SPATA13: variants seen among roughly 807,000 people sequenced by gnomAD.
SPATA13 encodes spermatogenesis associated 13.
In SPATA13, 50 loss-of-function variants were observed where a neutral mutation model predicts 104.0. That is an observed-to-expected ratio of 0.48 (90% CI 0.38 to 0.61). SPATA13 has a LOEUF of 0.61. Among genes scored for constraint, SPATA13 ranks in the 20% least tolerant of loss-of-function variants. SPATA13 has a pLI of 0.00. For synonymous variants in SPATA13, 606 were observed against 667.5 expected, an observed-to-expected ratio of 0.91 and a Z score of 1.42; for missense variants, 1,524 against 1,690.6, an observed-to-expected ratio of 0.90 and a Z score of 1.73.
chr13:24,098,521 T>C (rs1880150608), intron 3 of SPATA13, among the ~76,000 whole-genome samples: 2 of 150,810 alleles, frequency 1.3e-5, no homozygotes, highest in Admixed American at 6.6e-5. Flanking sequence ...CACCTGAGCC[T>C]GGACGTTTGA....
intron 3 of SPATA13, among the ~76,000 whole-genome samples, chr13:24,085,003 C>T (rs1879671586): frequency 6.6e-6 from 1 of 152,112 alleles, no homozygotes; most frequent in Non-Finnish European, 1.5e-5. Context: ...GCAATAAACC[C>T]CCCTAAGTCA....
chr13:24,018,327 T>C (rs1449725042), intron 3 of SPATA13, among the ~76,000 whole-genome samples: 3 of 152,188 alleles, frequency 2.0e-5, no homozygotes, highest in African/African-American at 7.2e-5. Context: ...CAAATAGAAA[T>C]GTTGCAAAAG....
At chr13:24,135,031 C>T (rs1383039510) in intron 3 of SPATA13, among the ~76,000 whole-genome samples, 1 of 152,110 alleles carries the variant, frequency 6.6e-6, no homozygotes, top group African/African-American at 2.4e-5. Flanking sequence ...TGGCCATCTA[C>T]AAGCCAGAAA....
intron 1 of SPATA13, among the ~76,000 whole-genome samples, chr13:24,191,235 C>T (rs1010636808): frequency 6.6e-6 from 1 of 152,028 alleles, no homozygotes; most frequent in Non-Finnish European, 1.5e-5. Flanking sequence ...CTCGGCCTCC[C>T]AAAATGTTGG....
At chr13:24,019,096 T>A (rs74735820) in intron 3 of SPATA13, among the ~76,000 whole-genome samples, 9,571 of 134,398 alleles carry the variant, frequency 0.071, 553 homozygotes, top group African/African-American at 0.17. Flanking sequence ...TATTATTATT[T>A]TTTTTTTTTT....
intron 1 of SPATA13, among the ~76,000 whole-genome samples, chr13:24,222,576 G>A (rs1272722494): frequency 6.6e-6 from 1 of 152,040 alleles, no homozygotes; most frequent in Non-Finnish European, 1.5e-5. Flanking sequence ...AGGTTCCAGT[G>A]AGCTCAGGAG....
chr13:24,234,987 C>T (rs1872497798), intron 2 of SPATA13, among the ~76,000 whole-genome samples: 1 of 152,216 alleles, frequency 6.6e-6, no homozygotes. Flanking sequence ...GATTATAGTA[C>T]TGCCTGAATT....
intron 3 of SPATA13, among the ~76,000 whole-genome samples, chr13:24,048,265 G>T (rs1878217507): frequency 6.6e-6 from 1 of 152,106 alleles, no homozygotes; most frequent in Non-Finnish European, 1.5e-5. Context: ...CTTTTAATTT[G>T]CATTTCCCAG....
At chr13:24,136,539 GGGAAAGAAA>G (rs1221788720) in intron 3 of SPATA13, among the ~76,000 whole-genome samples, 5 of 151,620 alleles carry the variant, frequency 3.3e-5, no homozygotes, top group African/African-American at 9.7e-5. Context: ...GAGGGAGGGA[GGGAAAGAAA>G]GGAAAGAAAG....
Position 24,297,505 on chromosome 13 carries a change from G to A in SPATA13, c.3353G>A (p.Arg1118Lys), listed in dbSNP as rs770671632. 18 of 1,614,252 alleles carry A rather than the reference G, an allele frequency of 1.1e-5. No homozygotes were observed. Among genetic ancestry groups the A allele is most frequent in the Non-Finnish European group, 1.4e-5 (17 of 1,180,050 alleles). ...LVSCKKDLLR[R>K]DMLYYKGRLD... Reference sequence around the variant, plus strand: ...TCCTGCAAGAAGGACCTGCTGCGCAGGGACATGCTGTACTACAAGGGCCGG... The same window carrying A: ...TCCTGCAAGAAGGACCTGCTGCGCAAGGACATGCTGTACTACAAGGGCCGG... The change falls in exon 11 of 13, where the codon AGG becomes AAG. Residue 1118 changes from arginine to lysine, a missense_variant. Arg to Lys is a conservative substitution (Grantham distance 26). This residue lies in a region of SPATA13 where 435 missense variants were observed against 554.8 expected (regional missense o/e 0.78). Coordinates refer to ENST00000382108, the MANE Select transcript of SPATA13 (RefSeq NM_001166271.3).
At chr13:24,170,125 G>A (rs183699242) in intron 1 of SPATA13, among the ~76,000 whole-genome samples, 95 of 152,274 alleles carry the variant, frequency 6.2e-4, no homozygotes, top group African/African-American at 1.9e-3. Context: ...TATCTGCAGG[G>A]GGATAGGTCA....
chr13:24,276,680 T>C (rs1875007072), intron 4 of SPATA13, among the ~76,000 whole-genome samples: 1 of 152,236 alleles, frequency 6.6e-6, no homozygotes. Context: ...TTAATTATTA[T>C]AATACATTCA....
intron 3 of SPATA13, among the ~76,000 whole-genome samples, chr13:24,047,697 T>G (rs1332770414): frequency 6.6e-6 from 1 of 152,254 alleles, no homozygotes; most frequent in East Asian, 1.9e-4. Flanking sequence ...GTATTTTATC[T>G]CTTTTTCATG....
In SPATA13 at chr13:24,013,816, G is replaced by A. The variant is rs181955711; in HGVS notation, c.-146-3851G>A. ...CTCTAAAAACCTCGAAGGCTTGGGT[G>A]CTGCATACAGTCAATAGCCGTTTGA... On this transcript the variant is annotated intron_variant, in intron 2 of 14. Transcript: ENST00000424834. Among the ~76,000 whole-genome samples the A allele has an allele frequency of 2.1e-3, 326 of 151,740 alleles. 4 individuals carry two copies. Among genetic ancestry groups the A allele is most frequent in the African/African-American group, 7.4e-3 (305 of 41,346 alleles).
chr13:24,078,299 T>C (rs1418942559), intron 3 of SPATA13, among the ~76,000 whole-genome samples: 2 of 152,222 alleles, frequency 1.3e-5, no homozygotes, highest in Non-Finnish European at 2.9e-5. Context: ...AACCATTTAC[T>C]AGTTTTCCTG....
chr13:24,013,014 C>A (rs1272280351), intron 2 of SPATA13, among the ~76,000 whole-genome samples: 2 of 152,196 alleles, frequency 1.3e-5, no homozygotes, highest in Non-Finnish European at 2.9e-5. Flanking sequence ...AGCAAAGCCA[C>A]ACTGTGTGAG....
At chr13:24,107,668 CT>C (rs1880497463) in intron 3 of SPATA13, among the ~76,000 whole-genome samples, 1 of 152,196 alleles carries the variant, frequency 6.6e-6, no homozygotes, top group Admixed American at 6.5e-5. Context: ...CCTACGTCAG[CT>C]TTTCTTCCCT....
At chr13:24,032,082 C>G (rs556786310) in intron 3 of SPATA13, among the ~76,000 whole-genome samples, 58 of 152,312 alleles carry the variant, frequency 3.8e-4, no homozygotes, top group African/African-American at 1.3e-3. Context: ...AGTAAGAACA[C>G]CCATGCTTGG....
At chr13:24,253,458 G>C (rs945791453) in intron 4 of SPATA13, among the ~76,000 whole-genome samples, 1 of 137,534 alleles carries the variant, frequency 7.3e-6, no homozygotes, top group African/African-American at 3.2e-5. Context: ...TGCCTCTTCA[G>C]CGTTGATTAA....
Sources: gnomAD v4.1 joint callset for allele counts (sites outside exome capture counted in the v4.1 genomes callset) on GRCh38, gnomAD v4.1.1 for gene constraint, gnomAD v4.1.1 regional missense constraint, MANE v1.5 for transcripts, NCBI Gene and HGNC (gene_info 2026-07-23, HGNC 2026-07-21) for gene names.